FERMT2: variants seen among roughly 807,000 people sequenced by gnomAD.
FERMT2 encodes FERM domain containing kindlin 2.
Under a neutral mutation model 82.7 loss-of-function variants are expected in FERMT2, and 15 were observed. The observed-to-expected ratio is 0.18, with a 90% CI of 0.12 to 0.28. The LOEUF is 0.28. FERMT2 is among the 10% of genes least tolerant of loss of function. The pLI is 1.00. For synonymous variants in FERMT2, 274 were observed against 271.5 expected (o/e 1.01, Z -0.09); for missense variants, 645 against 809.4 (o/e 0.80, Z 2.46).
At chr14:52,860,512 A>G (rs1032339179) in intron 12 of FERMT2, 47 bp from the exon 13 acceptor site, 38 of 1,541,288 alleles carry the variant, frequency 2.5e-5, no homozygotes, top group Non-Finnish European at 3.3e-5. Context: ...TTATTCTCTC[A>G]TGGGAGAACT....
At chr14:52,863,616 G>A (rs1434523242) in intron 12 of FERMT2, 2 of 152,154 alleles carry the variant, frequency 1.3e-5, no homozygotes, top group African/African-American at 4.8e-5. Context: ...TCTAAACAGA[G>A]TGAACAAAAG....
At chr14:52,948,015 A>G (rs903577872) in intron 2 of FERMT2, among the ~76,000 whole-genome samples, 1 of 152,202 alleles carries the variant, frequency 6.6e-6, no homozygotes, top group Non-Finnish European at 1.5e-5. Context: ...AATGTAAGTG[A>G]ATGCTCTGGT....
chr14:52,888,899 T>C (rs1886763681), intron 4 of FERMT2, among the ~76,000 whole-genome samples: 1 of 152,188 alleles, frequency 6.6e-6, no homozygotes, highest in African/African-American at 2.4e-5. Flanking sequence ...GCTACAAAAA[T>C]TAAGTAAAAG....
chr14:52,869,141 CAGG>C (rs1885460659), intron 10 of FERMT2, among the ~76,000 whole-genome samples: 2 of 152,064 alleles, frequency 1.3e-5, no homozygotes, highest in Admixed American at 6.6e-5. Flanking sequence ...AAGAGGGAAG[CAGG>C]AGAAGGTTGC....
chr14:52,885,312 CAA>C (rs1181582996), intron 4 of FERMT2, among the ~76,000 whole-genome samples: 24 of 61,070 alleles, frequency 3.9e-4, no homozygotes, highest in African/African-American at 8.6e-4. Context: ...GACTTAGTCT[CAA>C]AAAAAAAAAA....
intron 3 of FERMT2, among the ~76,000 whole-genome samples, chr14:52,894,843 C>T (rs1236934717): frequency 6.8e-6 from 1 of 146,764 alleles, no homozygotes; most frequent in Non-Finnish European, 1.5e-5. Flanking sequence ...TTAGATAGGA[C>T]ACACAAAAAA....
At chr14:52,939,732 G>T (rs1890010126) in intron 2 of FERMT2, among the ~76,000 whole-genome samples, 1 of 152,150 alleles carries the variant, frequency 6.6e-6, no homozygotes, top group African/African-American at 2.4e-5. Context: ...CATACCAAGG[G>T]CATTCCATCT....
chr14:52,861,277 T>C, intron 12 of FERMT2: 1 of 481,798 alleles, frequency 2.1e-6, no homozygotes, highest in Non-Finnish European at 3.6e-6. Flanking sequence ...CACATTATTT[T>C]AGAATGTTAA....
chr14:52,926,565 G>A (rs1889287991), intron 2 of FERMT2, among the ~76,000 whole-genome samples: 2 of 152,072 alleles, frequency 1.3e-5, no homozygotes. Context: ...TGCTCTGAGA[G>A]TCCATTTCTC....
At chr14:52,873,624 G>A (rs1226526125) in intron 9 of FERMT2, 3 of 152,294 alleles carry the variant, frequency 2.0e-5, no homozygotes, top group African/African-American at 4.8e-5. Context: ...GAGTAGTTTT[G>A]TATCTTATAT....
At chr14:52,915,534 C>T (rs1475397803) in intron 3 of FERMT2, among the ~76,000 whole-genome samples, 1 of 150,462 alleles carries the variant, frequency 6.6e-6, no homozygotes, top group Non-Finnish European at 1.5e-5. Context: ...AAATAACAGA[C>T]AATTCAATAA....
rs1017382091 is a variant in FERMT2, at chr14:52,950,647, G to A, written c.-9-70C>T. The stretch of plus-strand genomic sequence containing the variant: ...AAGAAAGGCGAATCCCACCGAATTC[G>A]CAGCGCCGGCCACGGGCTGGGAGGT... On this transcript the variant is annotated intron_variant, in intron 1 of 14. Transcript: ENST00000341590. The A allele has an allele frequency of 6.0e-6, 9 of 1,498,430 alleles. No individual in the cohort carries two copies. The African/African-American group carries it at 1.1e-4, about 18-fold the overall frequency. The allele number at this position is 1,498,430 out of a possible 1,614,324, so 92.8% of individuals were successfully genotyped here.
chr14:52,890,544 C>T (rs1321153657), intron 4 of FERMT2, among the ~76,000 whole-genome samples: 1 of 151,416 alleles, frequency 6.6e-6, no homozygotes, highest in Non-Finnish European at 1.5e-5. Flanking sequence ...CATCACTATG[C>T]AGCACATGAC....
intron 3 of FERMT2, among the ~76,000 whole-genome samples, chr14:52,897,739 G>C (rs1039488775): frequency 6.6e-6 from 1 of 152,082 alleles, no homozygotes; most frequent in African/African-American, 2.4e-5. Flanking sequence ...CACTTTGGGA[G>C]GCTGAGACGG....
intron 3 of FERMT2, among the ~76,000 whole-genome samples, chr14:52,897,153 T>A (rs954684256): frequency 6.6e-6 from 1 of 152,064 alleles, no homozygotes; most frequent in East Asian, 1.9e-4. Context: ...AAAAATAAAA[T>A]GTTTTCATAA....
intron 3 of FERMT2, among the ~76,000 whole-genome samples, chr14:52,897,517 T>A (rs1253040948): frequency 1.3e-5 from 2 of 152,228 alleles, no homozygotes; most frequent in Non-Finnish European, 2.9e-5. Context: ...AATTTGCATG[T>A]AAAAATTAAC....
chr14:52,944,894 GA>G (rs1232160937), intron 2 of FERMT2, among the ~76,000 whole-genome samples: 2 of 151,826 alleles, frequency 1.3e-5, no homozygotes, highest in African/African-American at 4.8e-5. Flanking sequence ...ATAATCCTCA[GA>G]TTTTCTTTTT....
chr14:52,887,344 C>G (rs1330239512), intron 4 of FERMT2, among the ~76,000 whole-genome samples: 1 of 151,976 alleles, frequency 6.6e-6, no homozygotes, highest in Non-Finnish European at 1.5e-5. Context: ...AAAACCTCAT[C>G]TCTACAAAAA....
intron 4 of FERMT2, among the ~76,000 whole-genome samples, chr14:52,887,424 G>A (rs531083319): frequency 1.3e-5 from 2 of 152,058 alleles, no homozygotes; most frequent in African/African-American, 4.8e-5. Context: ...GAGGGAGGAG[G>A]ATCACTTGAG....
Sources: allele counts gnomAD v4.1 joint callset (sites outside exome capture counted in the v4.1 genomes callset), GRCh38; gene constraint gnomAD v4.1.1; transcripts MANE v1.5; gene names NCBI Gene and HGNC (gene_info 2026-07-23, HGNC 2026-07-21).